The following MEMO1 variants were observed in gnomAD, a reference collection of about 807,000 sequenced individuals.
MEMO1 encodes protein MEMO1.
A neutral mutation model predicts 45.2 loss-of-function variants in MEMO1; 6 were observed. That is an observed-to-expected ratio of 0.13 (90% CI 0.07 to 0.26). The LOEUF (loss-of-function observed/expected upper bound fraction) is 0.26. Ranked by LOEUF, MEMO1 falls within the 10% of genes least tolerant of loss-of-function variation. The pLI is 1.00. For missense variants in MEMO1, 184 were observed against 370.5 expected, an observed-to-expected ratio of 0.50 and a Z score of 4.13; for synonymous variants, 78 against 124.3, an observed-to-expected ratio of 0.63 and a Z score of 2.48.
chr2:31,950,545 C>A (rs1666726862), intron 2 of MEMO1, among the ~76,000 whole-genome samples: 1 of 151,104 alleles, frequency 6.6e-6, no homozygotes, highest in African/African-American at 2.4e-5. Context: ...ATGGTGAAAC[C>A]CCATCTCTAC....
chr2:31,969,953 A>G (rs1268664471), intron 2 of MEMO1, among the ~76,000 whole-genome samples: 1 of 150,620 alleles, frequency 6.6e-6, no homozygotes, highest in Non-Finnish European at 1.5e-5. Flanking sequence ...TAAATATAAC[A>G]CAAGTTCACT....
chr2:32,000,059 AT>A (rs1302146992), intron 2 of MEMO1, among the ~76,000 whole-genome samples: 2 of 151,526 alleles, frequency 1.3e-5, no homozygotes, highest in Non-Finnish European at 2.9e-5. Context: ...TAATTTTTTT[AT>A]TTTTTGTAGA....
chr2:31,897,459 C>T (rs1348074321), intron 6 of MEMO1, among the ~76,000 whole-genome samples: 2 of 152,132 alleles, frequency 1.3e-5, no homozygotes, highest in East Asian at 1.9e-4. Context: ...GCCTTTTCTG[C>T]ATGTATTGAG....
At chr2:31,963,990 C>G (rs1215649557) in intron 2 of MEMO1, among the ~76,000 whole-genome samples, 1 of 152,030 alleles carries the variant, frequency 6.6e-6, no homozygotes, top group Non-Finnish European at 1.5e-5. Flanking sequence ...TATACTGGGT[C>G]AAATAAAAGT....
chr2:31,953,542 G>A (rs900001895), intron 2 of MEMO1, among the ~76,000 whole-genome samples: 7 of 150,646 alleles, frequency 4.6e-5, no homozygotes, highest in South Asian at 2.1e-4. Context: ...TGCAACCTCC[G>A]CCTCCCGGGT....
chr2:32,000,306 T>G (rs923263927), intron 2 of MEMO1, among the ~76,000 whole-genome samples: 1 of 151,878 alleles, frequency 6.6e-6, no homozygotes, highest in African/African-American at 2.4e-5. Flanking sequence ...CTCAGCTCAC[T>G]GCAAGCTCCG....
chr2:31,963,305 G>A (rs2148419203), intron 2 of MEMO1: 1 of 1,455,736 alleles, frequency 6.9e-7, no homozygotes, highest in Non-Finnish European at 9.1e-7. Context: ...TAGGGATACA[G>A]ATAGATATAG....
chr2:31,894,330 T>G (rs759965177), intron 6 of MEMO1, among the ~76,000 whole-genome samples: 1 of 152,088 alleles, frequency 6.6e-6, no homozygotes, highest in South Asian at 2.1e-4. Flanking sequence ...AGCACCTTCA[T>G]TGCAAAAAGG....
At chr2:31,912,513 C>T in intron 6 of MEMO1, among the ~76,000 whole-genome samples, 1 of 60,556 alleles carries the variant, frequency 1.7e-5, no homozygotes, top group South Asian at 5.8e-4. Flanking sequence ...AACTCTGTCT[C>T]AAAAAAAAAA....
At chr2:31,931,563 T>C (rs1232178125) in intron 4 of MEMO1, among the ~76,000 whole-genome samples, 3 of 151,858 alleles carry the variant, frequency 2.0e-5, no homozygotes, top group African/African-American at 7.3e-5. Context: ...TTTTTTTTTC[T>C]AAGCTAATTT....
intron 2 of MEMO1, among the ~76,000 whole-genome samples, chr2:31,997,332 C>G (rs927000661): frequency 6.6e-6 from 1 of 152,124 alleles, no homozygotes; most frequent in East Asian, 1.9e-4. Context: ...AACAAATACT[C>G]AGAGAATATA....
At chr2:31,900,519 C>A (rs921690120) in intron 6 of MEMO1, among the ~76,000 whole-genome samples, 1 of 151,308 alleles carries the variant, frequency 6.6e-6, no homozygotes, top group African/African-American at 2.4e-5. Context: ...CATCACACAC[C>A]GGGGCCTGTT....
At chr2:31,979,800 T>C (rs574046924) in intron 2 of MEMO1, among the ~76,000 whole-genome samples, 1 of 152,286 alleles carries the variant, frequency 6.6e-6, no homozygotes, top group South Asian at 2.1e-4. Flanking sequence ...TAAAGATAGA[T>C]ATTGCTAACT....
At chr2:31,999,093 C>T (rs1404433084) in intron 2 of MEMO1, among the ~76,000 whole-genome samples, 1 of 152,146 alleles carries the variant, frequency 6.6e-6, no homozygotes, top group Non-Finnish European at 1.5e-5. Flanking sequence ...TCAAGTATGT[C>T]AGCAAATCCT....
intron 2 of MEMO1, among the ~76,000 whole-genome samples, chr2:31,998,072 C>A (rs1307247383): frequency 6.6e-6 from 1 of 152,174 alleles, no homozygotes; most frequent in African/African-American, 2.4e-5. Context: ...AGTGCAGTGG[C>A]ATAATCACAG....
At chr2:31,964,483 G>C (rs1201597044) in intron 2 of MEMO1, among the ~76,000 whole-genome samples, 1 of 151,440 alleles carries the variant, frequency 6.6e-6, no homozygotes, top group Non-Finnish European at 1.5e-5. Flanking sequence ...GATCACCTGA[G>C]GTCAGGAGTT....
chr2:31,976,914 T>C (rs1670068062), intron 2 of MEMO1, among the ~76,000 whole-genome samples: 1 of 152,174 alleles, frequency 6.6e-6, no homozygotes, highest in Non-Finnish European at 1.5e-5. Flanking sequence ...CAAGCAATTA[T>C]TGAGATCTTT....
chr2:31,936,830 A>T (rs1303770711), intron 3 of MEMO1, among the ~76,000 whole-genome samples: 17 of 152,218 alleles, frequency 1.1e-4, no homozygotes, highest in Admixed American at 1.1e-3. Context: ...CTTAACTAAG[A>T]TTCAACAAAG....
intron 8 of MEMO1, among the ~76,000 whole-genome samples, chr2:31,877,309 G>A (rs1184002428): frequency 6.6e-6 from 1 of 152,200 alleles, no homozygotes; most frequent in Non-Finnish European, 1.5e-5. Flanking sequence ...ATGAACAGCT[G>A]TTCATCCAAG....
Sources: allele counts gnomAD v4.1 joint callset (sites outside exome capture counted in the v4.1 genomes callset), GRCh38; gene constraint gnomAD v4.1.1; transcripts MANE v1.5; gene names NCBI Gene and HGNC (gene_info 2026-07-23, HGNC 2026-07-21).